Variants in UPRT observed in about 807,000 individuals in gnomAD.
UPRT encodes uracil phosphoribosyltransferase homolog, also known as RP11-311P8.3.
UPRT carries 5 observed loss-of-function variants against 22.6 expected under a neutral mutation model. The observed-to-expected ratio is 0.22, with a 90% confidence interval of 0.12 to 0.47. UPRT has a LOEUF of 0.47. Among genes scored for constraint, UPRT ranks in the 20% least tolerant of loss-of-function variants. UPRT has a pLI of 0.99. For synonymous variants in UPRT, 77 were observed against 87.7 expected, an observed-to-expected ratio of 0.88 and a Z score of 0.68; for missense variants, 181 against 239.9, an observed-to-expected ratio of 0.75 and a Z score of 1.62.
chrX:75,283,387 G>T (rs2082666968), intron 1 of UPRT, among the ~76,000 whole-genome samples: 1 of 110,683 alleles, frequency 9.0e-6, no homozygotes, highest in African/African-American at 3.3e-5. Flanking sequence ...TTGTTATATA[G>T]GTCCTGCATG....
rs761359687 is a variant in UPRT, at chrX:75,188,887, C to T, written c.-447+21008C>T. Among the ~76,000 whole-genome samples the T allele has an allele frequency of 2.7e-3, 302 of 111,760 alleles. 1 individual carries two copies. The highest frequency in any genetic ancestry group is 9.3e-3 in the African/African-American group (285 of 30,781). ...ATGCCTCACCCTGCTTCGGCTCGCA[C>T]GCGCACCCACTGACCTGCGCCTACT... On this transcript the variant is annotated intron_variant, in intron 4 of 13. Coordinates refer to the UPRT transcript ENST00000652605.
chrX:75,199,342 G>A (rs191918186), intron 4 of UPRT, among the ~76,000 whole-genome samples: 18 of 111,454 alleles, frequency 1.6e-4, no homozygotes, highest in African/African-American at 5.9e-4. Context: ...TATCCAAGTA[G>A]GGTAAGCCAT....
At chrX:75,260,527 T>C (rs1468560965) in intron 4 of UPRT, among the ~76,000 whole-genome samples, 1 of 111,823 alleles carries the variant, frequency 8.9e-6, no homozygotes, top group African/African-American at 3.2e-5. Flanking sequence ...AAATGGTAAG[T>C]GGATCAATTC....
intron 4 of UPRT, among the ~76,000 whole-genome samples, chrX:75,188,795 G>C (rs906997065): frequency 8.9e-6 from 1 of 111,975 alleles, no homozygotes; most frequent in African/African-American, 3.2e-5. Flanking sequence ...TCCAGGTGCC[G>C]TCTGTCACCC....
intron 4 of UPRT, among the ~76,000 whole-genome samples, chrX:75,258,339 C>T (rs1324452487): frequency 9.1e-6 from 1 of 109,427 alleles, no homozygotes; most frequent in Admixed American, 9.8e-5. Context: ...GCAGGTCCCA[C>T]CCCCATGGAG....
chrX:75,198,801 C>T (rs938518206), intron 4 of UPRT, among the ~76,000 whole-genome samples: 2 of 111,310 alleles, frequency 1.8e-5, no homozygotes, highest in Non-Finnish European at 3.8e-5. Context: ...TCTGGAATCA[C>T]CAATGCCACC....
chrX:75,273,616 G>C (rs1419045577), upstream of UPRT, among the ~76,000 whole-genome samples: 5 of 111,644 alleles, frequency 4.5e-5, no homozygotes, highest in African/African-American at 6.5e-5. Context: ...AACCAATAAA[G>C]ATAAGAAAAG....
At chrX:75,196,208 C>G (rs933777184) in intron 4 of UPRT, among the ~76,000 whole-genome samples, 16 of 111,730 alleles carry the variant, frequency 1.4e-4, no homozygotes, top group African/African-American at 4.9e-4. Flanking sequence ...CTCTGTTGCC[C>G]GGGCTGGAGT....
intron 4 of UPRT, among the ~76,000 whole-genome samples, chrX:75,177,126 G>A (rs1271747545): frequency 3.6e-5 from 4 of 110,980 alleles, no homozygotes; most frequent in East Asian, 2.8e-4. Context: ...GGACCCTGCT[G>A]ATCAGAATAG....
intron 1 of UPRT, chrX:75,156,574 C>T: frequency 2.3e-6 from 1 of 441,697 alleles, no homozygotes; most frequent in Non-Finnish European, 4.1e-6. Context: ...TTTACATAAA[C>T]AACGAATCAT....
chrX:75,291,122 G>A (rs773565050), intron 1 of UPRT, among the ~76,000 whole-genome samples: 11 of 111,619 alleles, frequency 9.9e-5, no homozygotes, highest in East Asian at 2.8e-4. Context: ...AGAAAAGTGG[G>A]TTCTCAGATA....
intron 4 of UPRT, among the ~76,000 whole-genome samples, chrX:75,171,755 C>A (rs183701507): frequency 2.7e-4 from 30 of 110,450 alleles, no homozygotes; most frequent in African/African-American, 8.6e-4. Context: ...TTTTCAGATT[C>A]TTTTGTCCCA....
At chrX:75,253,008 CAGGT>C (rs1277887742) in intron 4 of UPRT, among the ~76,000 whole-genome samples, 2 of 110,261 alleles carry the variant, frequency 1.8e-5, no homozygotes, top group Admixed American at 9.7e-5. Context: ...CACATGGACA[CAGGT>C]AGGGGAACAT....
intron 4 of UPRT, among the ~76,000 whole-genome samples, chrX:75,199,722 G>T (rs1162752903): frequency 9.0e-6 from 1 of 110,800 alleles, no homozygotes; most frequent in Non-Finnish European, 1.9e-5. Flanking sequence ...GGGCTCTTGG[G>T]GTCCGCAATT....
At chrX:75,239,305 G>C (rs1194767496) in intron 4 of UPRT, among the ~76,000 whole-genome samples, 1 of 111,333 alleles carries the variant, frequency 9.0e-6, no homozygotes, top group Non-Finnish European at 1.9e-5. Flanking sequence ...AAATACAAAG[G>C]ATCTTTCAAG....
intron 4 of UPRT, among the ~76,000 whole-genome samples, chrX:75,175,639 A>G (rs779761651): frequency 2.7e-5 from 3 of 111,954 alleles, no homozygotes; most frequent in African/African-American, 9.7e-5. Context: ...GACCCAGGGA[A>G]CCTTCGTCCT....
chrX:75,180,700 T>G (rs932479472), intron 4 of UPRT, among the ~76,000 whole-genome samples: 4 of 93,260 alleles, frequency 4.3e-5, no homozygotes, highest in African/African-American at 1.6e-4. Context: ...TTTTTGTTTT[T>G]TTTTTTTTTT....
chrX:75,248,680 C>A (rs749425711), intron 4 of UPRT, among the ~76,000 whole-genome samples: 1 of 111,564 alleles, frequency 9.0e-6, no homozygotes, highest in East Asian at 2.8e-4. Flanking sequence ...CAAAGCAGGC[C>A]AACATTCAAA....
intron 1 of UPRT, among the ~76,000 whole-genome samples, chrX:75,289,223 A>G (rs902041630): frequency 1.8e-5 from 2 of 111,299 alleles, no homozygotes; most frequent in African/African-American, 6.5e-5. Flanking sequence ...AATAGCTGCA[A>G]AAAAATACCT....
Sources: allele counts gnomAD v4.1 joint callset (sites outside exome capture counted in the v4.1 genomes callset), GRCh38; gene constraint gnomAD v4.1.1; transcripts MANE v1.5; gene names NCBI Gene and HGNC (gene_info 2026-07-23, HGNC 2026-07-21).